Variants in CDH4 observed in about 807,000 individuals in gnomAD.
CDH4 encodes the protein cadherin-4.
Under a neutral mutation model 86.0 loss-of-function variants are expected in CDH4, and 33 were observed. The ratio of observed to expected loss-of-function variants is 0.38; its 90% CI spans 0.29 to 0.51. The LOEUF is 0.51. Among genes scored for constraint, CDH4 ranks in the 20% least tolerant of loss-of-function variants. The probability of loss-of-function intolerance (pLI) is 0.86; values close to 1 mark genes in which losing one functional copy is unlikely to be tolerated. For synonymous variants in CDH4, 555 were observed against 549.4 expected (o/e 1.01, Z -0.14); for missense variants, 1,114 against 1,307.4 (o/e 0.85, Z 2.28).
Position 61,623,706 on chromosome 20 carries a change from T to C in CDH4, c.170-119857T>C, listed in dbSNP as rs1435861509. On this transcript the variant is annotated intron_variant, in intron 2 of 15. Transcript: ENST00000614565. This position sits in a 1 kb window ranked among gnomAD's most constrained non-coding sequence, Gnocchi z 4.4. The stretch of plus-strand genomic sequence containing the variant: ...CCAGCCATCCCCAGGAGAAGGCTGG[T>C]TTTAGTGCATCACTGAGCGCAAAGT... Among the ~76,000 whole-genome samples the C allele has an allele frequency of 1.3e-5, 2 of 152,086 alleles. No homozygotes were observed. Among genetic ancestry groups the C allele is most frequent in the African/African-American group, 4.8e-5 (2 of 41,412 alleles).
intron 2 of CDH4, among the ~76,000 whole-genome samples, chr20:61,723,504 G>C (rs143788330): frequency 6.6e-6 from 1 of 152,308 alleles, no homozygotes; most frequent in African/African-American, 2.4e-5. Flanking sequence ...GCCCTGCTGA[G>C]GGACTGGGCA....
chr20:61,418,227 CT>C lies in CDH4; in HGVS notation c.169+163291del, dbSNP rs1758565223. The stretch of plus-strand genomic sequence containing the variant: ...TTTTTTTCTTTTTTTTTTTTTTTCC[CT>C]GAGACAGAGTCTCGCTCTGTCCCCC... On this transcript the variant is annotated intron_variant, in intron 2 of 15. Coordinates refer to ENST00000614565, the MANE Select transcript of CDH4 (RefSeq NM_001794.5). Among the ~76,000 whole-genome samples, 4 of 136,674 alleles carry C rather than the reference CT, an allele frequency of 2.9e-5. No homozygotes were observed. In the South Asian group the frequency reaches 9.2e-4, roughly 32 times the overall value. 89.7% of individuals were successfully genotyped at this position (136,674 alleles called of 152,430 possible). A position where few individuals can be genotyped will look rare whatever the true frequency, so the allele number is the denominator to read the frequency against.
intron 2 of CDH4, among the ~76,000 whole-genome samples, chr20:61,669,099 G>A (rs909483280): frequency 1.3e-5 from 2 of 152,222 alleles, no homozygotes; most frequent in Non-Finnish European, 2.9e-5. Context: ...GGGCCTCCTG[G>A]AACCCACGTT....
At position 61,708,260 on chromosome 20, in the gene CDH4, CTT is replaced by C. The variant is rs991293261; in HGVS notation, c.170-35300_170-35299del. Among the ~76,000 whole-genome samples the C allele has an allele frequency of 3.9e-5, 6 of 152,080 alleles. No homozygotes were observed. Among genetic ancestry groups the C allele is most frequent in the Non-Finnish European group, 8.8e-5 (6 of 67,990 alleles). Reference sequence around the variant, plus strand: ...TGTAGCGTGGCCAGCAGGGGGTTGACTTTTACCCCGAACCAGATGTACCAAGC... The same window carrying C: ...TGTAGCGTGGCCAGCAGGGGGTTGACTTACCCCGAACCAGATGTACCAAGC... On this transcript the variant is annotated intron_variant, in intron 2 of 15. Coordinates refer to ENST00000614565, the MANE Select transcript of CDH4 (RefSeq NM_001794.5). The surrounding 1 kb of genome is among the most constrained non-coding windows in gnomAD (Gnocchi z 4.5).
intron 2 of CDH4, chr20:61,738,820 A>G (rs2088297827): frequency 6.6e-6 from 1 of 152,326 alleles, no homozygotes; most frequent in Non-Finnish European, 1.5e-5. Context: ...CTTCACGGCA[A>G]TCCCGCTCCT....
chr20:61,808,766 G>C (rs543685790), intron 4 of CDH4, among the ~76,000 whole-genome samples: 1 of 152,230 alleles, frequency 6.6e-6, no homozygotes, highest in Admixed American at 6.5e-5. Context: ...GGCCAAGGGC[G>C]AGTGTCCACA....
chr20:61,523,964 A>G (rs1033662529), intron 2 of CDH4, among the ~76,000 whole-genome samples: 1 of 152,240 alleles, frequency 6.6e-6, no homozygotes, highest in African/African-American at 2.4e-5. Flanking sequence ...ATAAAGAAGC[A>G]AGATATCTGA....
At chr20:61,452,255 C>A (rs1002206300) in intron 2 of CDH4, among the ~76,000 whole-genome samples, 6 of 152,126 alleles carry the variant, frequency 3.9e-5, no homozygotes, top group African/African-American at 1.4e-4. Flanking sequence ...GAATTAATCT[C>A]GTGTCAGAAA....
chr20:61,475,965 G>A (rs1391345696), intron 2 of CDH4, among the ~76,000 whole-genome samples: 1 of 152,068 alleles, frequency 6.6e-6, no homozygotes, highest in African/African-American at 2.4e-5. Context: ...CTTCAGGAAT[G>A]TCACAAGTTC....
At chr20:61,373,779 G>A (rs73308657) in intron 2 of CDH4, among the ~76,000 whole-genome samples, 3,135 of 152,330 alleles carry the variant, frequency 0.021, 101 homozygotes, top group African/African-American at 0.068. Flanking sequence ...GAATGGGTTG[G>A]AAAGTGATTT....
In CDH4 at chr20:61,565,227, G is replaced by GTAGTGGTCCTCTTGGTGATGGGGTGA. The variant is rs1568688532; in HGVS notation, c.170-178335_170-178334insAGTGGTCCTCTTGGTGATGGGGTGAT. Among the ~76,000 whole-genome samples the GTAGTGGTCCTCTTGGTGATGGGGTGA allele has an allele frequency of 1.7e-4, 7 of 41,760 alleles. 1 individual carries two copies. Among genetic ancestry groups the GTAGTGGTCCTCTTGGTGATGGGGTGA allele is most frequent in the Non-Finnish European group, 3.6e-4 (7 of 19,574 alleles). The allele number at this position is 41,760 out of a possible 152,430, so 27.4% of individuals were successfully genotyped here. On this transcript the variant is annotated intron_variant, in intron 2 of 15. Coordinates refer to ENST00000614565, the MANE Select transcript of CDH4 (RefSeq NM_001794.5). ...GTCGCGGTGCTCTCGGTGGTAGGTG[G>GTAGTGGTCCTCTTGGTGATGGGGTGA]TGGTGGTGGTGGTGGCGGTGCTCTT...
At chr20:61,604,842 A>G (rs2086630320) in intron 2 of CDH4, among the ~76,000 whole-genome samples, 1 of 152,158 alleles carries the variant, frequency 6.6e-6, no homozygotes, top group Non-Finnish European at 1.5e-5. Flanking sequence ...TCACTTCAGG[A>G]GAAATGGAAA....
chr20:61,838,870 G>T (rs912633676), intron 4 of CDH4, among the ~76,000 whole-genome samples: 4 of 133,690 alleles, frequency 3.0e-5, no homozygotes, highest in African/African-American at 1.1e-4. Context: ...AAAAAAAAAA[G>T]AAAAGAAAAT....
chr20:61,647,548 T>TCTCTCTCTCTCTCTCC (rs1555818888), intron 2 of CDH4, among the ~76,000 whole-genome samples: 4 of 108,482 alleles, frequency 3.7e-5, no homozygotes, highest in African/African-American at 1.3e-4. Context: ...TCCCTCTCCC[T>TCTCTCTCTCTCTCTCC]CTCCCTCTCC....
chr20:61,408,975 G>C (rs1431286288), intron 2 of CDH4, among the ~76,000 whole-genome samples: 1 of 152,212 alleles, frequency 6.6e-6, no homozygotes, highest in Non-Finnish European at 1.5e-5. Flanking sequence ...AGGCTTCTCT[G>C]CTTTTCAATG....
At chr20:61,255,788 GTA>G (rs1440207389) in intron 2 of CDH4, among the ~76,000 whole-genome samples, 3 of 152,202 alleles carry the variant, frequency 2.0e-5, no homozygotes, top group Non-Finnish European at 2.9e-5. Context: ...CGGTTCCTGT[GTA>G]TGTGTGTGTG....
rs113468155 is a variant in CDH4 at position 61,867,563 on chromosome 20, G to A, written c.878-6165G>A. ...AGACTCCATCCAAAAAAAAAAAAAA[G>A]AGAGAGAGAGAGCTTATGATAAAAT... On this transcript the variant is annotated intron_variant, in intron 6 of 15. Transcript: ENST00000614565. Among the ~76,000 whole-genome samples the A allele has an allele frequency of 8.7e-3, 739 of 84,998 alleles. 7 individuals are homozygous for A. Among genetic ancestry groups the A allele is most frequent in the East Asian group, 0.044 (80 of 1,826 alleles). 55.8% of individuals were successfully genotyped at this position (84,998 alleles called of 152,430 possible).
intron 6 of CDH4, among the ~76,000 whole-genome samples, chr20:61,869,645 T>G (rs1983711951): frequency 6.6e-6 from 1 of 152,158 alleles, no homozygotes; most frequent in South Asian, 2.1e-4. Flanking sequence ...TGGCCCCTCC[T>G]CAATGCCAAA....
At chr20:61,285,517 G>T (rs1255541215) in intron 2 of CDH4, among the ~76,000 whole-genome samples, 1 of 152,238 alleles carries the variant, frequency 6.6e-6, no homozygotes, top group East Asian at 1.9e-4. Flanking sequence ...TGAAAGGCCT[G>T]GCCTGTGCGG....
Sources: allele counts gnomAD v4.1 joint callset (sites outside exome capture counted in the v4.1 genomes callset), GRCh38; gene constraint gnomAD v4.1.1; non-coding constraint Gnocchi (gnomAD v3.1); transcripts MANE v1.5; gene names NCBI Gene and HGNC (gene_info 2026-07-23, HGNC 2026-07-21).